SPATS2: variants seen among roughly 807,000 people sequenced by gnomAD.
SPATS2 encodes the protein spermatogenesis-associated serine-rich protein 2.
Under a neutral mutation model 63.7 loss-of-function variants are expected in SPATS2, and 38 were observed. That is an observed-to-expected ratio of 0.60 (90% CI 0.46 to 0.78). SPATS2 has a LOEUF of 0.78. SPATS2 is among the 30% of genes least tolerant of loss of function. The pLI is 0.00. For missense variants in SPATS2, 588 were observed against 666.2 expected, an observed-to-expected ratio of 0.88 and a Z score of 1.29; for synonymous variants, 207 against 232.9, an observed-to-expected ratio of 0.89 and a Z score of 1.01.
chr12:49,390,016 T>C, intron 2 of SPATS2: 1 of 896,762 alleles, frequency 1.1e-6, no homozygotes. Context: ...AGAACTAATA[T>C]TTCAACTTGA....
chr12:49,384,167 A>G (rs554949797), intron 2 of SPATS2, among the ~76,000 whole-genome samples: 4 of 152,204 alleles, frequency 2.6e-5, no homozygotes, highest in East Asian at 3.9e-4. Flanking sequence ...CTCTTGCTGT[A>G]TATTGCCCAG....
intron 2 of SPATS2, among the ~76,000 whole-genome samples, chr12:49,372,614 C>T (rs748893996): frequency 5.1e-4 from 77 of 152,142 alleles, no homozygotes; most frequent in Non-Finnish European, 8.7e-4. Context: ...TTTTAGTATA[C>T]TTTGCTGCCT....
intron 2 of SPATS2, 50 bp from the exon 3 acceptor site, chr12:49,460,720 A>G (rs1213421570): frequency 2.9e-6 from 1 of 350,344 alleles, no homozygotes; most frequent in Non-Finnish European, 5.1e-6. Context: ...AATTTTGTAC[A>G]GATAGTCATT....
intron 2 of SPATS2, among the ~76,000 whole-genome samples, chr12:49,442,834 AT>A (rs1200464325): frequency 6.8e-6 from 1 of 146,470 alleles, no homozygotes; most frequent in African/African-American, 2.5e-5. Context: ...TACATTCACC[AT>A]TATCACCATT....
chr12:49,444,567 T>G (rs1299130603), intron 2 of SPATS2, among the ~76,000 whole-genome samples: 1 of 152,008 alleles, frequency 6.6e-6, no homozygotes, highest in Admixed American at 6.6e-5. Context: ...ATTTTATTTT[T>G]GGATTGTTTA....
At chr12:49,449,427 G>C (rs1364979348) in intron 2 of SPATS2, among the ~76,000 whole-genome samples, 2 of 152,126 alleles carry the variant, frequency 1.3e-5, no homozygotes, top group African/African-American at 4.8e-5. Flanking sequence ...TGTTGGTTAG[G>C]CTGATCTCGA....
intron 10 of SPATS2, among the ~76,000 whole-genome samples, chr12:49,518,572 C>T (rs1290407000): frequency 6.6e-6 from 1 of 152,078 alleles, no homozygotes; most frequent in Non-Finnish European, 1.5e-5. Flanking sequence ...AAAAGAAAGA[C>T]CATGTGTATG....
intron 2 of SPATS2, among the ~76,000 whole-genome samples, chr12:49,400,706 A>G (rs1258677973): frequency 6.6e-6 from 1 of 152,158 alleles, no homozygotes; most frequent in Non-Finnish European, 1.5e-5. Context: ...GGAAATGTTC[A>G]TTGATAGCTT....
Position 49,460,995 on chromosome 12 carries a change from G to T in SPATS2, c.-18G>T. 6.2e-7 allele frequency: 1 copy of T among 1,613,302 alleles called. No individual in the cohort carries two copies. Among genetic ancestry groups the T allele is most frequent in the Middle Eastern group, 1.7e-4 (1 of 6,054 alleles). On this transcript the variant is annotated 5_prime_UTR_variant, in exon 3 of 14. Coordinates refer to ENST00000552918, the MANE Select transcript of SPATS2 (RefSeq NM_023071.4). ...AGGATACTTTTCTTGTATATTTTTT[G>T]AGATCGAAGAAACGACAATGTCCAG...
chr12:49,376,088 C>T (rs1944094875), intron 2 of SPATS2, among the ~76,000 whole-genome samples: 1 of 143,376 alleles, frequency 7.0e-6, no homozygotes, highest in South Asian at 2.2e-4. Flanking sequence ...CTGCACCTGG[C>T]CTGATTTTTT....
chr12:49,393,997 T>G (rs1174454320), intron 2 of SPATS2, among the ~76,000 whole-genome samples: 1 of 152,162 alleles, frequency 6.6e-6, no homozygotes, highest in African/African-American at 2.4e-5. Context: ...CTACAACTTC[T>G]TTTTCAAAGT....
chr12:49,456,186 G>A (rs765787947), intron 2 of SPATS2, among the ~76,000 whole-genome samples: 3 of 152,178 alleles, frequency 2.0e-5, no homozygotes, highest in African/African-American at 7.2e-5. Context: ...AGTCACCTTG[G>A]GGGTATGTGA....
Position 49,492,441 on chromosome 12 carries a change from C to T in SPATS2, c.264+1710C>T, listed in dbSNP as rs1326435136. Among the ~76,000 whole-genome samples the T allele has an allele frequency of 2.6e-5, 4 of 151,466 alleles. No homozygotes were observed. The East Asian group carries it at 5.8e-4, about 22-fold the overall frequency. Reference sequence around the variant, plus strand: ...TTCACCATGTTGGCTAGGCTGGTGTCGAACGCCTGACCCCAAGTGATCTGC... The same window carrying T: ...TTCACCATGTTGGCTAGGCTGGTGTTGAACGCCTGACCCCAAGTGATCTGC... On this transcript the variant is annotated intron_variant, in intron 6 of 13. Transcript: ENST00000552918.
chr12:49,480,507 G>A (rs1185914799), intron 3 of SPATS2, among the ~76,000 whole-genome samples: 1 of 152,114 alleles, frequency 6.6e-6, no homozygotes, highest in South Asian at 2.1e-4. Context: ...GCACTAGACA[G>A]TAAAACTCTA....
At chr12:49,385,114 AT>A (rs575092948) in intron 2 of SPATS2, among the ~76,000 whole-genome samples, 153 of 152,100 alleles carry the variant, frequency 1.0e-3, no homozygotes, top group Admixed American at 9.2e-3. Flanking sequence ...CAGTCCATTC[AT>A]TTCTTTAATA....
chr12:49,496,021 T>TAA (rs1168841867), intron 7 of SPATS2, among the ~76,000 whole-genome samples: 7 of 152,214 alleles, frequency 4.6e-5, no homozygotes, highest in Non-Finnish European at 7.3e-5. Flanking sequence ...CATTACTTGT[T>TAA]AATCCAGTTC....
At chr12:49,398,156 A>AAAAAAG (rs1944545842) in intron 2 of SPATS2, among the ~76,000 whole-genome samples, 1 of 142,946 alleles carries the variant, frequency 7.0e-6, no homozygotes, top group Non-Finnish European at 1.5e-5. Flanking sequence ...AAAAAAAAAA[A>AAAAAAG]AAAAGAAAAG....
Position 49,498,147 on chromosome 12 carries a change from T to A in SPATS2, c.703+1138T>A, listed in dbSNP as rs868187600. On this transcript the variant is annotated intron_variant, in intron 8 of 13. Transcript: ENST00000552918. ...CCAATCAAGCCAAAAAAAAAAAAAA[T>A]ATATATATATATATATATATATGCG... 6.1e-3 allele frequency among the ~76,000 whole-genome samples: 585 copies of A among 96,092 alleles called. 3 individuals are homozygous for A. The highest frequency in any genetic ancestry group is 0.019 in the Middle Eastern group (4 of 216). 63.0% of individuals were successfully genotyped at this position (96,092 alleles called of 152,430 possible).
chr12:49,524,491 G>A (rs1464332759), intron 12 of SPATS2, among the ~76,000 whole-genome samples, 191 bp from the exon 13 acceptor site: 1 of 152,184 alleles, frequency 6.6e-6, no homozygotes, highest in Non-Finnish European at 1.5e-5. Context: ...AAAGCAGTGG[G>A]GCTTTGGAGG....
Sources: allele counts gnomAD v4.1 joint callset (sites outside exome capture counted in the v4.1 genomes callset), GRCh38; gene constraint gnomAD v4.1.1; transcripts MANE v1.5; gene names NCBI Gene and HGNC (gene_info 2026-07-23, HGNC 2026-07-21).